ZNF75D: variants seen among roughly 807,000 people sequenced by gnomAD.
The protein encoded by ZNF75D is zinc finger protein 75D.
In ZNF75D, 33 loss-of-function variants were observed where a neutral mutation model predicts 33.3. The observed-to-expected ratio is 0.99, with a 90% confidence interval of 0.75 to 1.32. The LOEUF (loss-of-function observed/expected upper bound fraction) is 1.32, where lower values mean the gene tolerates loss of function less well. ZNF75D is among the 40% of genes most tolerant of loss of function. The pLI, the probability that ZNF75D is intolerant of heterozygous loss-of-function variation, is 0.00. For missense variants in ZNF75D, 338 were observed against 367.5 expected (o/e 0.92, Z 0.66); for synonymous variants, 113 against 130.6 (o/e 0.87, Z 0.92).
At position 135,317,597 on chromosome X, in the gene ZNF75D, A is replaced by G. The variant is rs1188224114; in HGVS notation, c.-390-21558T>C. Among the ~76,000 whole-genome samples, 5 of 110,859 alleles carry G rather than the reference A, an allele frequency of 4.5e-5. No individual in the cohort carries two copies. In the South Asian group the frequency reaches 1.5e-3, roughly 34 times the overall value. On this transcript the variant is annotated intron_variant, in intron 1 of 6. Coordinates refer to ENST00000370766, the MANE Select transcript of ZNF75D (RefSeq NM_007131.5). ...TGCTTCCCAAGTGGTTCATGCTGGTACGGGCAGTGGTGGCTGTAGTGGCCT... is the reference window on the plus strand; with the variant it reads ...TGCTTCCCAAGTGGTTCATGCTGGTGCGGGCAGTGGTGGCTGTAGTGGCCT...
intron 1 of ZNF75D, among the ~76,000 whole-genome samples, chrX:135,263,898 C>T (rs1364527156): frequency 4.5e-5 from 5 of 112,062 alleles, no homozygotes; most frequent in African/African-American, 9.7e-5. Flanking sequence ...TCTTCTGAGT[C>T]GATCACGCTG....
At chrX:135,331,883 T>C (rs1556440644) in intron 1 of ZNF75D, among the ~76,000 whole-genome samples, 1 of 111,911 alleles carries the variant, frequency 8.9e-6, no homozygotes. Flanking sequence ...GCCTTCTCTG[T>C]CCCTGCTCTG....
intron 1 of ZNF75D, among the ~76,000 whole-genome samples, chrX:135,317,255 G>T (rs1314119645): frequency 8.9e-6 from 1 of 111,737 alleles, no homozygotes; most frequent in African/African-American, 3.3e-5. Context: ...GGTATCTAAG[G>T]TTTCCTTGCT....
intron 1 of ZNF75D, among the ~76,000 whole-genome samples, chrX:135,317,109 T>A (rs1375720026): frequency 9.0e-6 from 1 of 111,639 alleles, no homozygotes; most frequent in Non-Finnish European, 1.9e-5. Flanking sequence ...ATTTTTTGAA[T>A]TTGCTTTGTT....
intron 1 of ZNF75D, among the ~76,000 whole-genome samples, chrX:135,340,387 A>C (rs2084769689): frequency 8.9e-6 from 1 of 112,259 alleles, no homozygotes; most frequent in Non-Finnish European, 1.9e-5. Flanking sequence ...CAAAATTATA[A>C]GTAGTAATGC....
intron 1 of ZNF75D, among the ~76,000 whole-genome samples, chrX:135,275,223 G>T (rs1001295538): frequency 8.9e-6 from 1 of 112,445 alleles, no homozygotes; most frequent in South Asian, 3.7e-4. Context: ...AATAAGTATT[G>T]TAAAGAAAGG....
intron 1 of ZNF75D, among the ~76,000 whole-genome samples, chrX:135,268,733 A>G (rs1274194722): frequency 4.5e-5 from 5 of 111,240 alleles, no homozygotes; most frequent in Non-Finnish European, 9.4e-5. Flanking sequence ...CTTCACAAAA[A>G]TAGAAAAAAA....
intron 1 of ZNF75D, among the ~76,000 whole-genome samples, chrX:135,325,837 C>T (rs782701762): frequency 1.2e-4 from 14 of 112,748 alleles, no homozygotes; most frequent in South Asian, 7.3e-4. Context: ...CTGAGGAGTG[C>T]GAGCGCATCG....
chrX:135,293,703 G>A lies in ZNF75D; in HGVS notation c.411+27C>T. ...ATATCCACTTTTATCCTACTTCATT[G>A]TACATGTAGGCAATCTTTCTTCTTA... On this transcript the variant is annotated intron_variant, in intron 3 of 6. Transcript: ENST00000370766. The A allele has an allele frequency of 2.6e-6, 3 of 1,139,993 alleles. No homozygotes were observed. The Admixed American group carries it at 8.0e-5, about 31-fold the overall frequency. 93.9% of individuals were successfully genotyped at this position (1,139,993 alleles called of 1,213,427 possible). A position where few individuals can be genotyped will look rare whatever the true frequency, so the allele number is the denominator to read the frequency against.
intron 1 of ZNF75D, among the ~76,000 whole-genome samples, chrX:135,337,137 C>A (rs782564463): frequency 4.9e-4 from 55 of 111,894 alleles, no homozygotes; most frequent in Non-Finnish European, 7.5e-4. Flanking sequence ...GGAAAATTAA[C>A]TTTTTTCTTG....
In ZNF75D at chrX:135,318,939, T is replaced by C. The variant is rs190859617; in HGVS notation, c.-391+22829A>G. 3.0e-4 allele frequency among the ~76,000 whole-genome samples: 34 copies of C among 112,281 alleles called. No individual in the cohort carries two copies. In the East Asian group the frequency reaches 4.7e-3, roughly 16 times the overall value. On this transcript the variant is annotated intron_variant, in intron 1 of 6. Transcript: ENST00000370766. The stretch of plus-strand genomic sequence containing the variant: ...GTTACATCTGTAATGTGGGTTGATA[T>C]ATGGTCATGAAAAATGGCAGTAGTC...
chrX:135,325,838 G>A (rs183597320), intron 1 of ZNF75D, among the ~76,000 whole-genome samples: 5,070 of 112,565 alleles, frequency 0.045, 137 homozygotes, highest in Non-Finnish European at 0.072. Flanking sequence ...TGAGGAGTGC[G>A]AGCGCATCGC....
In ZNF75D at chrX:135,252,242, A is replaced by G. The variant is rs1223777236; in HGVS notation, n.1151-231T>C. The G allele has an allele frequency of 2.9e-5, 3 of 105,139 alleles. 1 individual carries two copies. Among genetic ancestry groups the G allele is most frequent in the African/African-American group, 1.1e-4 (3 of 27,534 alleles). 8.7% of individuals were successfully genotyped at this position (105,139 alleles called of 1,213,427 possible). On this transcript the variant is annotated intron_variant and non_coding_transcript_variant, in intron 2 of 3. Transcript: ENST00000494295. ...GTTCAAACTGATACAGAGACACTACAGAGCAGTGGGTAAAAGCAGAAGCTT... is the reference window on the plus strand; with the variant it reads ...GTTCAAACTGATACAGAGACACTACGGAGCAGTGGGTAAAAGCAGAAGCTT...
intron 1 of ZNF75D, among the ~76,000 whole-genome samples, chrX:135,324,922 C>G (rs782575140): frequency 1.3e-4 from 14 of 111,181 alleles, no homozygotes; most frequent in Admixed American, 1.1e-3. Context: ...AATTCCATAG[C>G]CAAGGACCTG....
intron 1 of ZNF75D, among the ~76,000 whole-genome samples, chrX:135,315,017 A>T (rs782302938): frequency 1.8e-5 from 2 of 111,918 alleles, no homozygotes; most frequent in African/African-American, 3.2e-5. Context: ...TTAATTTGAT[A>T]GTTCCTTGAG....
chrX:135,269,028 G>A (rs144086699), intron 1 of ZNF75D, among the ~76,000 whole-genome samples: 8,717 of 111,395 alleles, frequency 0.078, 343 homozygotes, highest in Admixed American at 0.14. Context: ...AATGGTGCTC[G>A]GAAACCTGGA....
rs972593576 is a variant in ZNF75D, at chrX:135,308,092, C to A, written c.-390-12053G>T. 2.7e-5 allele frequency among the ~76,000 whole-genome samples: 3 copies of A among 112,551 alleles called. No homozygotes were observed. The Admixed American group carries it at 2.8e-4, about 11-fold the overall frequency. ...CAGCCACAAGATATACCTACTTCCT[C>A]TCCCAGCAACTTCCACTTACCCTAT... On this transcript the variant is annotated intron_variant, in intron 1 of 6. Coordinates refer to ENST00000370766, the MANE Select transcript of ZNF75D (RefSeq NM_007131.5).
At chrX:135,313,978 T>C (rs1556430037) in intron 1 of ZNF75D, among the ~76,000 whole-genome samples, 6 of 111,966 alleles carry the variant, frequency 5.4e-5, no homozygotes. Flanking sequence ...GGGTGTGTTT[T>C]ATTTCTTTCT....
intron 1 of ZNF75D, among the ~76,000 whole-genome samples, chrX:135,324,027 A>G (rs1256771394): frequency 1.8e-5 from 2 of 109,747 alleles, no homozygotes; most frequent in East Asian, 2.8e-4. Context: ...ACACACACGC[A>G]CACCCAAAGA....
Sources: gnomAD v4.1 joint callset for allele counts (sites outside exome capture counted in the v4.1 genomes callset) on GRCh38, gnomAD v4.1.1 for gene constraint, MANE v1.5 for transcripts, NCBI Gene and HGNC (gene_info 2026-07-23, HGNC 2026-07-21) for gene names.